Variants in ZPBP observed in about 807,000 individuals in gnomAD.
ZPBP encodes the protein zona pellucida-binding protein 1.
Under a neutral mutation model 44.8 loss-of-function variants are expected in ZPBP, and 26 were observed. The ratio of observed to expected loss-of-function variants is 0.58; its 90% confidence interval spans 0.43 to 0.81. The LOEUF (loss-of-function observed/expected upper bound fraction) is 0.81, where lower values mean the gene tolerates loss of function less well. ZPBP is among the 30% of genes least tolerant of loss of function. The pLI is 0.00. For missense variants in ZPBP, 409 were observed against 434.0 expected (o/e 0.94, Z 0.51); for synonymous variants, 174 against 153.2 (o/e 1.14, Z -1.00).
intron 5 of ZPBP, among the ~76,000 whole-genome samples, chr7:50,029,375 C>A (rs955239294): frequency 6.6e-6 from 1 of 152,108 alleles, no homozygotes; most frequent in African/African-American, 2.4e-5. Context: ...ATAGCTAAAA[C>A]TACAGAAGGA....
At chr7:50,045,965 C>G (rs1433008864) in intron 4 of ZPBP, among the ~76,000 whole-genome samples, 2 of 152,208 alleles carry the variant, frequency 1.3e-5, no homozygotes. Context: ...ACCAATGGAA[C>G]AGAACAGAGG....
chr7:49,977,320 T>A (rs1796576985), intron 7 of ZPBP, among the ~76,000 whole-genome samples: 1 of 152,058 alleles, frequency 6.6e-6, no homozygotes, highest in Admixed American at 6.5e-5. Flanking sequence ...ATAGAACTAT[T>A]TAAATACATG....
intron 3 of ZPBP, among the ~76,000 whole-genome samples, chr7:50,075,550 G>A (rs967939892): frequency 2.0e-5 from 3 of 151,406 alleles, no homozygotes; most frequent in African/African-American, 7.3e-5. Flanking sequence ...TCCAAATAAA[G>A]TCAGAAATGA....
chr7:49,868,189 C>T (rs1425375015), intron 2 of ZPBP, among the ~76,000 whole-genome samples: 1 of 152,190 alleles, frequency 6.6e-6, no homozygotes, highest in East Asian at 1.9e-4. Flanking sequence ...ATTCACCCTA[C>T]AGTGACTGTA....
intron 2 of ZPBP, among the ~76,000 whole-genome samples, chr7:50,082,828 A>AT (rs910014824): frequency 2.6e-5 from 4 of 151,636 alleles, no homozygotes; most frequent in African/African-American, 7.3e-5. Flanking sequence ...GATTGAGGTG[A>AT]TTTTTTTCTT....
intron 4 of ZPBP, among the ~76,000 whole-genome samples, chr7:50,054,538 A>T (rs1222151944): frequency 6.6e-6 from 1 of 152,110 alleles, no homozygotes; most frequent in Non-Finnish European, 1.5e-5. Context: ...GTCTTGCCAT[A>T]TTCAAAACCG....
intron 2 of ZPBP, among the ~76,000 whole-genome samples, chr7:49,851,558 GAAATAAAAAGT>G (rs973017842): frequency 1.3e-5 from 2 of 152,294 alleles, no homozygotes; most frequent in African/African-American, 4.8e-5. Context: ...GACCAACTCT[GAAATAAAAAGT>G]CTGCTACAGG....
intron 5 of ZPBP, among the ~76,000 whole-genome samples, chr7:50,021,261 C>T (rs959677): frequency 0.26 from 39,716 of 151,726 alleles, 6,443 homozygotes; most frequent in Non-Finnish European, 0.37. Context: ...CTAAAGAAAA[C>T]CATGAACAAA....
At chr7:49,969,569 AAG>A (rs1332135909) in intron 7 of ZPBP, among the ~76,000 whole-genome samples, 2 of 151,494 alleles carry the variant, frequency 1.3e-5, no homozygotes, top group African/African-American at 4.8e-5. Flanking sequence ...AGAAAAAAGA[AAG>A]ATAAACCACA....
intron 4 of ZPBP, among the ~76,000 whole-genome samples, chr7:50,046,061 T>C (rs1376883152): frequency 6.6e-6 from 1 of 152,194 alleles, no homozygotes; most frequent in African/African-American, 2.4e-5. Flanking sequence ...ATTCCTTATT[T>C]AATAAATGGT....
At chr7:49,987,062 T>C (rs946437564) in intron 6 of ZPBP, among the ~76,000 whole-genome samples, 1 of 152,170 alleles carries the variant, frequency 6.6e-6, no homozygotes, top group African/African-American at 2.4e-5. Context: ...TCCTTTCTGG[T>C]TTGATATCTG....
intron 5 of ZPBP, among the ~76,000 whole-genome samples, chr7:50,019,602 A>C (rs1276549758): frequency 6.6e-6 from 1 of 152,126 alleles, no homozygotes; most frequent in Non-Finnish European, 1.5e-5. Context: ...GAAGATCATA[A>C]AATTGATCAT....
At chr7:49,963,921 T>C (rs567317657) in intron 7 of ZPBP, among the ~76,000 whole-genome samples, 26 of 151,908 alleles carry the variant, frequency 1.7e-4, no homozygotes, top group African/African-American at 6.0e-4. Flanking sequence ...TATAATAAAA[T>C]ATGTAATATA....
downstream of ZPBP, among the ~76,000 whole-genome samples, chr7:49,845,688 T>A (rs962111334): frequency 1.3e-5 from 2 of 152,158 alleles, no homozygotes; most frequent in African/African-American, 4.8e-5. Context: ...AAATTATAAT[T>A]CCTAATAAAA....
chr7:50,033,568 C>G (rs1341070944), intron 4 of ZPBP, among the ~76,000 whole-genome samples: 1 of 152,156 alleles, frequency 6.6e-6, no homozygotes, highest in African/African-American at 2.4e-5. Flanking sequence ...GAGTCCATAG[C>G]TTGACTTCCT....
chr7:49,913,191 C>A (rs1248085320), intron 1 of ZPBP: 1 of 152,120 alleles, frequency 6.6e-6, no homozygotes, highest in Non-Finnish European at 1.5e-5. Context: ...TGACTGATAA[C>A]CTTGAATTAG....
chr7:49,963,555 T>C (rs1795941408), intron 7 of ZPBP, among the ~76,000 whole-genome samples: 1 of 151,850 alleles, frequency 6.6e-6, no homozygotes, highest in Non-Finnish European at 1.5e-5. Context: ...TGAAGTGGCA[T>C]AAGGGAACCA....
intron 7 of ZPBP, among the ~76,000 whole-genome samples, chr7:49,971,215 C>A (rs564842958): frequency 1.9e-4 from 29 of 151,866 alleles, no homozygotes; most frequent in African/African-American, 7.0e-4. Context: ...ATCAGTAAAC[C>A]GATTTACACC....
chr7:49,945,296 G>A (rs1170271352), intron 7 of ZPBP, among the ~76,000 whole-genome samples: 1 of 150,266 alleles, frequency 6.7e-6, no homozygotes. Context: ...TCCATGAGCT[G>A]AGGAGAAGAA....
Sources: gnomAD v4.1 joint callset for allele counts (sites outside exome capture counted in the v4.1 genomes callset) on GRCh38, gnomAD v4.1.1 for gene constraint, MANE v1.5 for transcripts, NCBI Gene and HGNC (gene_info 2026-07-23, HGNC 2026-07-21) for gene names.